TRABD2B: variants seen among roughly 807,000 people sequenced by gnomAD.
TRABD2B encodes metalloprotease TIKI2.
Under a neutral mutation model 40.1 loss-of-function variants are expected in TRABD2B, and 14 were observed. That is an observed-to-expected ratio of 0.35 (90% CI 0.23 to 0.55). The LOEUF is 0.55. Among genes scored for constraint, TRABD2B ranks in the 20% least tolerant of loss-of-function variants. The probability of loss-of-function intolerance (pLI) is 0.90; values close to 1 mark genes in which losing one functional copy is unlikely to be tolerated. For missense variants in TRABD2B, 541 were observed against 648.6 expected, an observed-to-expected ratio of 0.83 and a Z score of 1.80; for synonymous variants, 263 against 277.0, an observed-to-expected ratio of 0.95 and a Z score of 0.50.
chr1:47,900,863 T>C (rs1345409449), intron 2 of TRABD2B, among the ~76,000 whole-genome samples: 2 of 152,162 alleles, frequency 1.3e-5, no homozygotes, highest in Admixed American at 1.3e-4. Flanking sequence ...AGGGCCATCC[T>C]GCTCTCTCAA....
At chr1:47,883,555 T>C (rs1644333050) in intron 2 of TRABD2B, among the ~76,000 whole-genome samples, 1 of 152,188 alleles carries the variant, frequency 6.6e-6, no homozygotes, top group African/African-American at 2.4e-5. Context: ...TTGGGGCAGC[T>C]TCTCTGAGAT....
Position 47,794,648 on chromosome 1 carries a change from T to C in TRABD2B, c.926A>G (p.Lys309Arg). 6.5e-7 allele frequency: 1 copy of C among 1,536,684 alleles called. No individual in the cohort carries two copies. ...LIYKRNERMG[K>R]RVMALLRENE... ...CTCCCGTAGAAGCGCCATGACCCTCTTCCCCATGCGCTCATTCCTCTTGTA... is the reference window on the plus strand; with the variant it reads ...CTCCCGTAGAAGCGCCATGACCCTCCTCCCCATGCGCTCATTCCTCTTGTA... Residue 309 changes from lysine (K) to arginine (R), a missense_variant, in exon 4 of 7, where the codon AAG becomes AGG. Physicochemically the swap from Lys to Arg is conservative, Grantham distance 26 (BLOSUM62 2). Around this residue, in one of 2 missense-constraint regions of TRABD2B, gnomAD observed 369 missense variants for 492.8 expected, o/e 0.75. Coordinates refer to ENST00000606738, the MANE Select transcript of TRABD2B (RefSeq NM_001194986.2).
At chr1:47,899,502 TA>T (rs1357570298) in intron 2 of TRABD2B, among the ~76,000 whole-genome samples, 1 of 152,204 alleles carries the variant, frequency 6.6e-6, no homozygotes, top group Non-Finnish European at 1.5e-5. Flanking sequence ...ATGCCACCTC[TA>T]GAAAACTGCT....
chr1:47,928,648 A>T (rs1645000352), intron 2 of TRABD2B, among the ~76,000 whole-genome samples: 1 of 152,258 alleles, frequency 6.6e-6, no homozygotes, highest in South Asian at 2.1e-4. Flanking sequence ...TTAAATTCTG[A>T]AGAGTTCCCA....
In TRABD2B at chr1:47,981,650, G is replaced by T. The variant is rs137967405; in HGVS notation, c.666+12384C>A. The stretch of plus-strand genomic sequence containing the variant: ...CCCTCAGGATCTGGAACTGAGCCTG[G>T]CACAATGTAGTTCCCAGCAGTGCTT... On this transcript the variant is annotated intron_variant, in intron 2 of 6. Transcript: ENST00000606738. 1.9e-3 allele frequency among the ~76,000 whole-genome samples: 294 copies of T among 152,232 alleles called. 2 individuals carry two copies. The highest frequency in any genetic ancestry group is 6.3e-3 in the African/African-American group (261 of 41,528).
At chr1:47,905,166 C>A (rs922666947) in intron 2 of TRABD2B, among the ~76,000 whole-genome samples, 1 of 152,226 alleles carries the variant, frequency 6.6e-6, no homozygotes, top group Non-Finnish European at 1.5e-5. Context: ...TTGCGAAAAG[C>A]AAATGGAATG....
rs1306976088 is a variant in TRABD2B at position 47,971,170 on chromosome 1, T to TA, written c.666+22863dup. Among the ~76,000 whole-genome samples the TA allele has an allele frequency of 3.9e-5, 6 of 152,196 alleles. No homozygotes were observed. In the East Asian group the frequency reaches 1.2e-3, roughly 29 times the overall value. Reference sequence around the variant, plus strand: ...TACACATCCTACTTTCTGAGAGACTTAGACACAGTATACTCCCCCAATACT... The same window carrying TA: ...TACACATCCTACTTTCTGAGAGACTTAAGACACAGTATACTCCCCCAATACT... On this transcript the variant is annotated intron_variant, in intron 2 of 6. Coordinates refer to ENST00000606738, the MANE Select transcript of TRABD2B (RefSeq NM_001194986.2).
chr1:47,968,450 G>C (rs1464126674), intron 2 of TRABD2B, among the ~76,000 whole-genome samples: 1 of 152,172 alleles, frequency 6.6e-6, no homozygotes, highest in Non-Finnish European at 1.5e-5. Flanking sequence ...TTAGCTGTCT[G>C]GGCAGCTAGA....
chr1:47,850,682 A>G (rs1343735550), intron 2 of TRABD2B, among the ~76,000 whole-genome samples: 1 of 152,090 alleles, frequency 6.6e-6, no homozygotes, highest in African/African-American at 2.4e-5. Context: ...GCTGCCTGGC[A>G]CCACTAAGAA....
chr1:47,978,533 T>C (rs895129195), intron 2 of TRABD2B, among the ~76,000 whole-genome samples: 7 of 152,152 alleles, frequency 4.6e-5, no homozygotes, highest in African/African-American at 1.2e-4. Context: ...CCGACCCGAA[T>C]GACTGGCTGG....
chr1:47,869,093 G>A (rs1393721362), intron 2 of TRABD2B, among the ~76,000 whole-genome samples: 2 of 151,832 alleles, frequency 1.3e-5, no homozygotes, highest in Non-Finnish European at 2.9e-5. Flanking sequence ...TCCTCTACCT[G>A]TGCTTCCCCC....
Position 47,997,154 on chromosome 1 carries a change from G to C in TRABD2B, c.-365C>G, listed in dbSNP as rs1646105805. 1 of 983,852 alleles carries C rather than the reference G, an allele frequency of 1.0e-6. No homozygotes were observed. The allele number at this position is 983,852 out of a possible 1,614,324, so 60.9% of individuals were successfully genotyped here. ...GGGCAGAACCGAGAACCCGGGGTGC[G>C]CAAGGGTCCCGGGGTTATGCTGGGC... On this transcript the variant is annotated 5_prime_UTR_variant, in exon 1 of 7. Coordinates refer to ENST00000606738, the MANE Select transcript of TRABD2B (RefSeq NM_001194986.2).
At chr1:47,783,550 C>T (rs1644554665) in intron 4 of TRABD2B, among the ~76,000 whole-genome samples, 1 of 152,144 alleles carries the variant, frequency 6.6e-6, no homozygotes. Context: ...TAAAGGTGGA[C>T]TGGATCTTAA....
At chr1:47,773,066 T>G (rs1213361690) in intron 6 of TRABD2B, among the ~76,000 whole-genome samples, 4 of 152,232 alleles carry the variant, frequency 2.6e-5, no homozygotes, top group Non-Finnish European at 5.9e-5. Flanking sequence ...TCAGACATGG[T>G]TAGGGGCCGG....
At chr1:47,946,865 G>A (rs1473944923) in intron 2 of TRABD2B, among the ~76,000 whole-genome samples, 1 of 151,196 alleles carries the variant, frequency 6.6e-6, no homozygotes, top group Non-Finnish European at 1.5e-5. Context: ...TGCTAATTCA[G>A]TTTGCTTCAG....
rs547700246 is a variant in TRABD2B, at chr1:47,762,613, G to A, written c.*3289C>T. ...ATTTAGCATGAAGAAAATATGCTTA[G>A]GGTCTTTCAATGCAAGGACAAATTT... On this transcript the variant is annotated 3_prime_UTR_variant, in exon 7 of 7. Transcript: ENST00000606738. 43 of 152,276 alleles carry A rather than the reference G, an allele frequency of 2.8e-4. No homozygotes were observed. Among genetic ancestry groups the A allele is most frequent in the African/African-American group, 9.9e-4 (41 of 41,556 alleles). 9.4% of individuals were successfully genotyped at this position (152,276 alleles called of 1,614,324 possible). A position where few individuals can be genotyped will look rare whatever the true frequency, so the allele number is the denominator to read the frequency against.
chr1:47,815,798 GAGAT>G (rs6143214), intron 2 of TRABD2B, among the ~76,000 whole-genome samples: 12,473 of 148,952 alleles, frequency 0.084, 757 homozygotes, highest in East Asian at 0.23. Flanking sequence ...GATGGTGACA[GAGAT>G]AGATAGATAG....
intron 2 of TRABD2B, among the ~76,000 whole-genome samples, chr1:47,982,200 TGA>T (rs1645850661): frequency 6.6e-6 from 1 of 152,158 alleles, no homozygotes; most frequent in Admixed American, 6.5e-5. Flanking sequence ...GCTCAGTGTG[TGA>T]GAGACCAAAG....
intron 2 of TRABD2B, among the ~76,000 whole-genome samples, chr1:47,945,671 G>A (rs564524150): frequency 3.9e-5 from 6 of 152,046 alleles, no homozygotes; most frequent in South Asian, 2.1e-4. Flanking sequence ...ATCATTTTTC[G>A]GTCTGACTTC....
Sources: allele counts gnomAD v4.1 joint callset (sites outside exome capture counted in the v4.1 genomes callset), GRCh38; gene constraint gnomAD v4.1.1; regional missense constraint gnomAD v4.1.1; transcripts MANE v1.5; gene names NCBI Gene and HGNC (gene_info 2026-07-23, HGNC 2026-07-21).